Variants in PCBD2 observed in about 807,000 individuals in gnomAD.
The protein encoded by PCBD2 is pterin-4 alpha-carbinolamine dehydratase 2.
A neutral mutation model predicts 16.4 loss-of-function variants in PCBD2; 12 were observed. The observed-to-expected ratio is 0.73, with a 90% confidence interval of 0.47 to 1.19. PCBD2 has a LOEUF of 1.19. Ranked by LOEUF, PCBD2 falls within the 50% of genes most tolerant of loss-of-function variation. The probability of loss-of-function intolerance (pLI) is 0.00; values close to 1 mark genes in which losing one functional copy is unlikely to be tolerated. For synonymous variants in PCBD2, 58 were observed against 61.8 expected, an observed-to-expected ratio of 0.94 and a Z score of 0.29; for missense variants, 138 against 156.8, an observed-to-expected ratio of 0.88 and a Z score of 0.64.
chr5:134,929,342 G>A (rs1465746158), intron 2 of PCBD2, among the ~76,000 whole-genome samples: 4 of 129,366 alleles, frequency 3.1e-5, no homozygotes, highest in Non-Finnish European at 6.5e-5. Flanking sequence ...GCGAGACCTT[G>A]TCTCAAAAAA....
chr5:134,938,507 A>T (rs573614373), intron 2 of PCBD2, among the ~76,000 whole-genome samples: 2 of 152,140 alleles, frequency 1.3e-5, no homozygotes, highest in Non-Finnish European at 2.9e-5. Flanking sequence ...TGACCTTCCT[A>T]TTCTGGAGAA....
chr5:134,933,031 A>G (rs1259040104), intron 2 of PCBD2, among the ~76,000 whole-genome samples: 1 of 152,138 alleles, frequency 6.6e-6, no homozygotes, highest in Non-Finnish European at 1.5e-5. Context: ...AATATGTTTT[A>G]TAATTTGGAA....
At chr5:134,913,931 G>A (rs1750798371) in intron 2 of PCBD2, among the ~76,000 whole-genome samples, 1 of 152,188 alleles carries the variant, frequency 6.6e-6, no homozygotes, top group African/African-American at 2.4e-5. Flanking sequence ...GTGGAAGATG[G>A]GGTGCAAGGT....
chr5:134,921,453 A>T (rs891816415), intron 2 of PCBD2, among the ~76,000 whole-genome samples: 1 of 152,076 alleles, frequency 6.6e-6, no homozygotes, highest in Non-Finnish European at 1.5e-5. Context: ...TTAGCAGGTG[A>T]CATAGGTCTA....
chr5:134,927,362 G>A (rs1357946665), intron 2 of PCBD2: 6 of 398,302 alleles, frequency 1.5e-5, no homozygotes, highest in African/African-American at 6.2e-5. Context: ...TTGACCCAGC[G>A]ATGGGGGCTT....
chr5:134,928,316 A>T, intron 2 of PCBD2: 1 of 384,864 alleles, frequency 2.6e-6, no homozygotes, highest in South Asian at 1.3e-4. Flanking sequence ...ATTTATGTAA[A>T]TGAGAGGCAT....
chr5:134,954,735 G>A (rs955622953), intron 2 of PCBD2, among the ~76,000 whole-genome samples: 2 of 151,862 alleles, frequency 1.3e-5, no homozygotes, highest in African/African-American at 2.4e-5. Context: ...AATGTTTGAA[G>A]TCAGCAGAAT....
chr5:134,925,523 T>A, intron 2 of PCBD2: 1 of 398,388 alleles, frequency 2.5e-6, no homozygotes. Context: ...GTGACTATTA[T>A]AAGTCCTAGT....
chr5:134,941,966 A>C (rs1367332784), intron 2 of PCBD2, among the ~76,000 whole-genome samples: 1 of 136,708 alleles, frequency 7.3e-6, no homozygotes, highest in East Asian at 2.0e-4. Context: ...AAAAAGTACC[A>C]AAAAAAAAAA....
At chr5:134,928,025 TAGTTTTAGCATTGG>T (rs1360832113) in intron 2 of PCBD2, 1 of 395,350 alleles carries the variant, frequency 2.5e-6, no homozygotes, top group East Asian at 3.6e-5. Flanking sequence ...TTGGGACAAT[TAGTTTTAGCATTGG>T]AGTAGGCTTA....
At chr5:134,952,507 T>C (rs1006263875) in intron 2 of PCBD2, among the ~76,000 whole-genome samples, 10 of 152,218 alleles carry the variant, frequency 6.6e-5, no homozygotes, top group Non-Finnish European at 4.4e-5. Context: ...GGTTAAGAGA[T>C]GTAAGTTAGG....
At position 134,950,919 on chromosome 5, in the gene PCBD2, T is replaced by C. The variant is rs1327007591; in HGVS notation, c.217-8121T>C. Among the ~76,000 whole-genome samples the C allele has an allele frequency of 2.0e-5, 3 of 152,184 alleles. No individual in the cohort carries two copies. In the South Asian group the frequency reaches 6.2e-4, roughly 32 times the overall value. On this transcript the variant is annotated intron_variant, in intron 2 of 3. Transcript: ENST00000254908. Reference sequence around the variant, plus strand: ...TGTAAATTGGCACTAAAAACCCACCTAAACAGGTAGGCATATGTTAAGAAG... The same window carrying C: ...TGTAAATTGGCACTAAAAACCCACCCAAACAGGTAGGCATATGTTAAGAAG...
intron 2 of PCBD2, among the ~76,000 whole-genome samples, chr5:134,913,670 G>A (rs541715194): frequency 3.9e-5 from 6 of 152,328 alleles, no homozygotes; most frequent in African/African-American, 1.4e-4. Flanking sequence ...ATAGGCGGTA[G>A]GAAGGTCAGA....
Position 134,927,080 on chromosome 5 carries a change from G to A in PCBD2, c.216+16614G>A, listed in dbSNP as rs1324515862. 20 of 398,560 alleles carry A rather than the reference G, an allele frequency of 5.0e-5. No homozygotes were observed. In the East Asian group the frequency reaches 6.4e-4, roughly 13 times the overall value. 24.7% of individuals were successfully genotyped at this position (398,560 alleles called of 1,614,324 possible). On this transcript the variant is annotated intron_variant, in intron 2 of 3. Transcript: ENST00000254908. The stretch of plus-strand genomic sequence containing the variant: ...AGAATAGTAATGAGGATGTAAGTCC[G>A]TGGGCGACTATGAGAATGACTGCGC...
At chr5:134,915,339 C>T (rs1750818499) in intron 2 of PCBD2, among the ~76,000 whole-genome samples, 1 of 151,620 alleles carries the variant, frequency 6.6e-6, no homozygotes, top group African/African-American at 2.4e-5. Context: ...AAGGACATAT[C>T]CATTGTCCTA....
intron 2 of PCBD2, among the ~76,000 whole-genome samples, chr5:134,940,023 C>T (rs1751207113): frequency 6.6e-6 from 1 of 151,902 alleles, no homozygotes; most frequent in Admixed American, 6.6e-5. Flanking sequence ...ATCATTGGTC[C>T]ACCCACTTCT....
chr5:134,926,339 C>A (rs528094445), intron 2 of PCBD2: 2 of 367,458 alleles, frequency 5.4e-6, no homozygotes, highest in Non-Finnish European at 9.7e-6. Flanking sequence ...AGGGTGGATG[C>A]GATAATGGAT....
chr5:134,937,570 C>G (rs991293797), intron 2 of PCBD2, among the ~76,000 whole-genome samples: 4 of 152,248 alleles, frequency 2.6e-5, no homozygotes, highest in Non-Finnish European at 5.9e-5. Flanking sequence ...CAGCGGACAT[C>G]CGCTAATCCA....
intron 1 of PCBD2, among the ~76,000 whole-genome samples, chr5:134,907,091 G>T (rs1750701435): frequency 6.6e-6 from 1 of 152,250 alleles, no homozygotes; most frequent in African/African-American, 2.4e-5. Flanking sequence ...AGAGAAAACA[G>T]CTCAGTGTGT....
Sources: allele counts gnomAD v4.1 joint callset (sites outside exome capture counted in the v4.1 genomes callset), GRCh38; gene constraint gnomAD v4.1.1; transcripts MANE v1.5; gene names NCBI Gene and HGNC (gene_info 2026-07-23, HGNC 2026-07-21).